The following VPS53 variants were observed in gnomAD, a reference collection of about 807,000 sequenced individuals.
VPS53 encodes VPS53 subunit of GARP complex.
VPS53 carries 70 observed loss-of-function variants against 107.0 expected under a neutral mutation model. That is an observed-to-expected ratio of 0.65 (90% CI 0.54 to 0.80). VPS53 has a LOEUF of 0.80. VPS53 is among the 30% of genes least tolerant of loss of function. VPS53 has a pLI of 0.00. For synonymous variants in VPS53, 409 were observed against 393.3 expected (o/e 1.04, Z -0.47); for missense variants, 917 against 1,049.4 (o/e 0.87, Z 1.74).
chr17:582,791 C>T (rs1967107866), intron 13 of VPS53, among the ~76,000 whole-genome samples: 1 of 151,778 alleles, frequency 6.6e-6, no homozygotes, highest in South Asian at 2.1e-4. Context: ...GAGAACCTCC[C>T]TCAGAATCTC....
At chr17:533,331 A>T (rs185985137) in intron 18 of VPS53, among the ~76,000 whole-genome samples, 3,063 of 152,114 alleles carry the variant, frequency 0.02, 34 homozygotes, top group Middle Eastern at 0.048. Flanking sequence ...CTGGGCTCAA[A>T]CTCCTGGCTT....
intron 6 of VPS53, among the ~76,000 whole-genome samples, chr17:654,157 T>C (rs1236937258): frequency 6.6e-6 from 1 of 152,134 alleles, no homozygotes; most frequent in Non-Finnish European, 1.5e-5. Context: ...ATCGTGCCAC[T>C]GCACTCCAGC....
At chr17:656,886 G>A (rs1054527128) in intron 5 of VPS53, 39 of 1,559,112 alleles carry the variant, frequency 2.5e-5, no homozygotes, top group East Asian at 2.5e-4. Context: ...GAAATCCATC[G>A]TTTGTTGCCC....
At chr17:577,280 C>A (rs150135119) in intron 13 of VPS53, among the ~76,000 whole-genome samples, 326 of 149,838 alleles carry the variant, frequency 2.2e-3, no homozygotes, top group African/African-American at 7.6e-3. Flanking sequence ...TCCCAGAGAA[C>A]CTCCCTCAGA....
At chr17:687,279 C>T (rs1007717652) in intron 4 of VPS53, among the ~76,000 whole-genome samples, 1 of 109,446 alleles carries the variant, frequency 9.1e-6, no homozygotes. Flanking sequence ...CAGCAAGACT[C>T]CAGCTCAAAA....
At chr17:642,750 C>A (rs1347782208) in intron 7 of VPS53, among the ~76,000 whole-genome samples, 1 of 151,458 alleles carries the variant, frequency 6.6e-6, no homozygotes. Context: ...GCGAGGACAA[C>A]ACTCATACTT....
chr17:575,038 T>G (rs1914483207), intron 13 of VPS53, among the ~76,000 whole-genome samples: 1 of 152,202 alleles, frequency 6.6e-6, no homozygotes, highest in Non-Finnish European at 1.5e-5. Context: ...GTGTGCCTGC[T>G]GGGCACGTGC....
At chr17:578,035 C>T (rs1186651666) in intron 13 of VPS53, among the ~76,000 whole-genome samples, 1 of 148,826 alleles carries the variant, frequency 6.7e-6, no homozygotes, top group African/African-American at 2.5e-5. Context: ...TCCCTTAGGA[C>T]CTCAATGCGT....
intron 7 of VPS53, among the ~76,000 whole-genome samples, chr17:648,509 C>T (rs1970794369): frequency 6.6e-6 from 1 of 152,172 alleles, no homozygotes; most frequent in African/African-American, 2.4e-5. Context: ...TGAGATTGTG[C>T]CACTGCACTC....
At chr17:594,291 C>A (rs1301018821) in intron 12 of VPS53, among the ~76,000 whole-genome samples, 9 of 152,226 alleles carry the variant, frequency 5.9e-5, no homozygotes, top group Non-Finnish European at 8.8e-5. Context: ...ACATTGTGCA[C>A]ATGTACCCTA....
chr17:654,248 C>T (rs992073942), intron 6 of VPS53, among the ~76,000 whole-genome samples: 8 of 152,150 alleles, frequency 5.3e-5, no homozygotes, highest in African/African-American at 1.7e-4. Flanking sequence ...TAACTGAAAT[C>T]TGTAGGTTCT....
chr17:535,889 A>G (rs1910021898), intron 18 of VPS53, among the ~76,000 whole-genome samples: 1 of 152,152 alleles, frequency 6.6e-6, no homozygotes, highest in Non-Finnish European at 1.5e-5. Flanking sequence ...GGTACAGGGA[A>G]ACTGGGAGAG....
Position 596,014 on chromosome 17 carries a change from G to C in VPS53, c.1218+5781C>G, listed in dbSNP as rs1428880266. On this transcript the variant is annotated intron_variant, in intron 12 of 21. Transcript: ENST00000437048. ...GGGAAGGGGTCTGGATCAATTTCCT[G>C]GTTTGATGATGGACTCTACTATGTT... is the stretch of plus-strand genomic sequence containing the variant. Among the ~76,000 whole-genome samples the C allele has an allele frequency of 1.1e-4, 17 of 151,656 alleles. 1 individual carries two copies. The highest frequency in any genetic ancestry group is 1.0e-4 in the Non-Finnish European group (7 of 67,898).
intron 17 of VPS53, among the ~76,000 whole-genome samples, chr17:539,923 C>T (rs1486831383): frequency 1.3e-5 from 2 of 152,068 alleles, no homozygotes; most frequent in Admixed American, 6.6e-5. Context: ...GGGACAACCA[C>T]GTCTATCTAA....
At chr17:703,343 C>T (rs1425410923) in intron 2 of VPS53, among the ~76,000 whole-genome samples, 1 of 152,244 alleles carries the variant, frequency 6.6e-6, no homozygotes, top group Non-Finnish European at 1.5e-5. Context: ...CTGCAGAGAT[C>T]CTCTTTCTTA....
At chr17:643,233 ACCGAGGACAACAC>A (rs1970520907) in intron 7 of VPS53, among the ~76,000 whole-genome samples, 1 of 52,512 alleles carries the variant, frequency 1.9e-5, no homozygotes, top group Non-Finnish European at 4.6e-5. Context: ...ATACTTGGAA[ACCGAGGACAACAC>A]TCATACTTGG....
chr17:544,877 T>G (rs1900161810), intron 17 of VPS53, among the ~76,000 whole-genome samples: 1 of 152,050 alleles, frequency 6.6e-6, no homozygotes, highest in African/African-American at 2.4e-5. Flanking sequence ...CTCAGGAGTT[T>G]GAGACTGGCC....
chr17:613,796 TCA>T (rs1428624685), intron 11 of VPS53, among the ~76,000 whole-genome samples: 1 of 149,146 alleles, frequency 6.7e-6, no homozygotes, highest in Non-Finnish European at 1.5e-5. Flanking sequence ...GTACAAATAT[TCA>T]CAGTGAGTTC....
chr17:620,227 G>T (rs146408230), intron 11 of VPS53, among the ~76,000 whole-genome samples: 2,771 of 152,276 alleles, frequency 0.018, 28 homozygotes, highest in Middle Eastern at 0.031. Context: ...CCTCAAAATT[G>T]GGCTGCTGCC....
Sources: gnomAD v4.1 joint callset for allele counts (sites outside exome capture counted in the v4.1 genomes callset) on GRCh38, gnomAD v4.1.1 for gene constraint, MANE v1.5 for transcripts, NCBI Gene and HGNC (gene_info 2026-07-23, HGNC 2026-07-21) for gene names.